Variants in SETX observed in about 807,000 individuals in gnomAD.
SETX encodes the protein senataxin.
In SETX, 90 loss-of-function variants were observed where a neutral mutation model predicts 227.2. The ratio of observed to expected loss-of-function variants is 0.40; its 90% confidence interval spans 0.33 to 0.47. The LOEUF (loss-of-function observed/expected upper bound fraction) is 0.47, where lower values mean the gene tolerates loss of function less well. SETX is among the 20% of genes least tolerant of loss of function. The pLI is 0.91. For synonymous variants in SETX, 1,210 were observed against 1,113.2 expected (o/e 1.09, Z -1.73); for missense variants, 3,052 against 3,181.5 (o/e 0.96, Z 0.98).
chr9:132,327,853 C>T lies in SETX; in HGVS notation c.3745G>A (p.Ala1249Thr). The change falls in exon 10 of 26, where the codon GCC becomes ACC. Residue 1249 changes from alanine to threonine, a missense_variant. This residue lies in a region of SETX where 1,483 missense variants were observed against 1,312.0 expected (regional missense o/e 1.13). Coordinates refer to ENST00000224140, the MANE Select transcript of SETX (RefSeq NM_015046.7). ...SKTPKKTHSD[A>T]KKGQNRSSNY... is the part of the protein sequence containing the mutation. ...GAACTTCTATTCTGTCCTTTTTTGG[C>T]ATCTGAATGAGTTTTCTTAGGGGTC... 4 of 1,613,974 alleles carry T rather than the reference C, an allele frequency of 2.5e-6. No homozygotes were observed. Among genetic ancestry groups the T allele is most frequent in the South Asian group, 1.1e-5 (1 of 91,090 alleles).
intron 11 of SETX, among the ~76,000 whole-genome samples, chr9:132,302,537 G>C (rs1845061630): frequency 6.6e-6 from 1 of 150,688 alleles, no homozygotes; most frequent in African/African-American, 2.5e-5. Context: ...GCAGGCGCCT[G>C]TAATCCCAGC....
chr9:132,305,046 G>A (rs2097184538), intron 11 of SETX, among the ~76,000 whole-genome samples: 1 of 151,592 alleles, frequency 6.6e-6, no homozygotes, highest in African/African-American at 2.4e-5. Context: ...CTACTTATTT[G>A]GGGATATAAA....
rs1367365255 is a variant in SETX, at chr9:132,261,403, TAATTTCAGCATAAAGCAAACCA to T, written c.*2814_*2835del. Reference sequence around the variant, plus strand: ...CTGAATTGCACAAATCCCCACCAAGTAATTTCAGCATAAAGCAAACCAAATGGCAGACGAAATGATGTTAGTA... The same window carrying T: ...CTGAATTGCACAAATCCCCACCAAGTAATGGCAGACGAAATGATGTTAGTA... On this transcript the variant is annotated 3_prime_UTR_variant, in exon 26 of 26. Coordinates refer to ENST00000224140, the MANE Select transcript of SETX (RefSeq NM_015046.7). 2.6e-5 allele frequency: 4 copies of T among 152,254 alleles called. No homozygotes were observed. The highest frequency in any genetic ancestry group is 2.1e-4 in the South Asian group (1 of 4,834). The allele number at this position is 152,254 out of a possible 1,614,324, so 9.4% of individuals were successfully genotyped here. A position where few individuals can be genotyped will look rare whatever the true frequency, so the allele number is the denominator to read the frequency against.
At chr9:132,299,585 A>G (rs1398906496) in intron 12 of SETX, among the ~76,000 whole-genome samples, 1 of 152,260 alleles carries the variant, frequency 6.6e-6, no homozygotes, top group East Asian at 1.9e-4. Context: ...AAAAAGGAGA[A>G]GGAATAATGA....
chr9:132,284,162 C>T (rs1008785412), intron 18 of SETX, among the ~76,000 whole-genome samples: 1 of 152,228 alleles, frequency 6.6e-6, no homozygotes, highest in Non-Finnish European at 1.5e-5. Flanking sequence ...ACGGCTCACA[C>T]AGTAAAGCAC....
chr9:132,338,088 CTCT>C (rs907888332), intron 5 of SETX, among the ~76,000 whole-genome samples: 5 of 96,304 alleles, frequency 5.2e-5, no homozygotes, highest in African/African-American at 9.5e-5. Flanking sequence ...GTGAGGAACA[CTCT>C]TTTTTTTTTT....
In SETX at chr9:132,262,292, G is replaced by GT. The variant is rs1471301566; in HGVS notation, c.*1946dup. The GT allele has an allele frequency of 6.6e-6, 1 of 152,190 alleles. No individual in the cohort carries two copies. The highest frequency in any genetic ancestry group is 1.5e-5 in the Non-Finnish European group (1 of 68,028). The allele number at this position is 152,190 out of a possible 1,614,324, so 9.4% of individuals were successfully genotyped here. On this transcript the variant is annotated 3_prime_UTR_variant, in exon 26 of 26. Coordinates refer to ENST00000224140, the MANE Select transcript of SETX (RefSeq NM_015046.7). Reference sequence around the variant, plus strand: ...TGTTAATAGTATTAACATGAGCAGCGTGAGAGACATCCTGACCCCAACGTT... The same window carrying GT: ...TGTTAATAGTATTAACATGAGCAGCGTTGAGAGACATCCTGACCCCAACGTT...
At chr9:132,272,826 TTC>T (rs1842965480) in intron 23 of SETX, among the ~76,000 whole-genome samples, 1 of 152,070 alleles carries the variant, frequency 6.6e-6, no homozygotes, top group Non-Finnish European at 1.5e-5. Context: ...CTTCATCCCT[TTC>T]TTCATTAATA....
intron 5 of SETX, 107 bp downstream of exon 5, chr9:132,342,583 A>T (rs920824468): frequency 2.2e-6 from 2 of 920,602 alleles, no homozygotes; most frequent in Non-Finnish European, 3.6e-6. Context: ...AGCAAGAAAA[A>T]TTTTAGCAAA....
At chr9:132,280,080 T>C (rs1327535744) in intron 20 of SETX, among the ~76,000 whole-genome samples, 1 of 152,168 alleles carries the variant, frequency 6.6e-6, no homozygotes, top group African/African-American at 2.4e-5. Flanking sequence ...AGTGCCTGAA[T>C]TATGGTGGCA....
intron 11 of SETX, among the ~76,000 whole-genome samples, chr9:132,303,978 C>T (rs1845178437): frequency 1.3e-5 from 2 of 152,042 alleles, no homozygotes; most frequent in Admixed American, 6.6e-5. Context: ...AAAAATTAGT[C>T]AGGCATGGTG....
chr9:132,326,297 A>G (rs1238480169), intron 10 of SETX, 27 bp downstream of exon 10: 1 of 1,499,716 alleles, frequency 6.7e-7, no homozygotes, highest in Non-Finnish European at 9.2e-7. Context: ...AAGTTTGGAG[A>G]GGCATACAAA....
chr9:132,267,079 A>T (rs919019783), intron 25 of SETX, among the ~76,000 whole-genome samples: 1 of 152,232 alleles, frequency 6.6e-6, no homozygotes, highest in African/African-American at 2.4e-5. Context: ...TCTAAGTGAA[A>T]ATAAGGCACT....
At chr9:132,296,131 A>C in intron 14 of SETX, 103 bp from the exon 15 acceptor site, 1 of 1,377,384 alleles carries the variant, frequency 7.3e-7, no homozygotes, top group Non-Finnish European at 1.0e-6. Context: ...TATTTTTGAA[A>C]GTTCTCGTAA....
chr9:132,325,884 G>C (rs912112691), intron 10 of SETX, among the ~76,000 whole-genome samples: 2 of 141,086 alleles, frequency 1.4e-5, no homozygotes, highest in East Asian at 4.4e-4. Context: ...AGTGAGCAAA[G>C]ATCGCACCAT....
chr9:132,264,572 T>A lies in SETX; in HGVS notation c.7701A>T (p.Gly2567=). Residue 2567 remains glycine (G), a synonymous_variant, in exon 26 of 26, where the codon GGA becomes GGT. Coordinates refer to ENST00000224140, the MANE Select transcript of SETX (RefSeq NM_015046.7). ...DPQPSSPQHP[G]ATPPTGEPGF... ...CCGGCTCGCCCGTAGGAGGTGTTGC[T>A]CCAGGATGCTGGGGGCTCGAGGGTT... 1 of 1,614,160 alleles carries A rather than the reference T, an allele frequency of 6.2e-7. No individual in the cohort carries two copies. The highest frequency in any genetic ancestry group is 8.5e-7 in the Non-Finnish European group (1 of 1,180,032).
At position 132,270,872 on chromosome 9, in the gene SETX, A is replaced by T. The variant is rs1025491948; in HGVS notation, c.7199+838T>A. Among the ~76,000 whole-genome samples the T allele has an allele frequency of 2.0e-5, 3 of 152,362 alleles. No homozygotes were observed. In the South Asian group the frequency reaches 6.2e-4, roughly 32 times the overall value. On this transcript the variant is annotated intron_variant, in intron 24 of 25. Transcript: ENST00000224140. ...GAAATTTCAAATTAGCTGGGAAAGA[A>T]AGGTCTATTTATAAACTGACCCTGA...
chr9:132,338,046 C>G (rs1467537381), intron 5 of SETX, among the ~76,000 whole-genome samples: 2 of 150,616 alleles, frequency 1.3e-5, no homozygotes, highest in Non-Finnish European at 2.9e-5. Flanking sequence ...TAACCTGAAT[C>G]TATGCATGAG....
intron 10 of SETX, among the ~76,000 whole-genome samples, chr9:132,324,668 C>G (rs1384658921): frequency 6.6e-6 from 1 of 152,198 alleles, no homozygotes; most frequent in East Asian, 1.9e-4. Context: ...TTCCAGAGAG[C>G]AGAGACCTCA....
Sources: gnomAD v4.1 joint callset for allele counts (sites outside exome capture counted in the v4.1 genomes callset) on GRCh38, gnomAD v4.1.1 for gene constraint, gnomAD v4.1.1 regional missense constraint, MANE v1.5 for transcripts, NCBI Gene and HGNC (gene_info 2026-07-23, HGNC 2026-07-21) for gene names.